FGGY: variants seen among roughly 807,000 people sequenced by gnomAD.
FGGY encodes the protein FGGY carbohydrate kinase domain-containing protein.
FGGY carries 72 observed loss-of-function variants against 71.3 expected under a neutral mutation model. That is an observed-to-expected ratio of 1.01 (90% CI 0.84 to 1.23). FGGY has a LOEUF of 1.23. FGGY is among the 50% of genes most tolerant of loss of function. The pLI is 0.00. For synonymous variants in FGGY, 251 were observed against 250.3 expected, an observed-to-expected ratio of 1.00 and a Z score of -0.02; for missense variants, 668 against 682.3, an observed-to-expected ratio of 0.98 and a Z score of 0.23.
chr1:59,678,489 T>C (rs577558208), intron 14 of FGGY, among the ~76,000 whole-genome samples: 2 of 152,308 alleles, frequency 1.3e-5, no homozygotes, highest in South Asian at 4.1e-4. Context: ...GCTTACACTT[T>C]CTAAGCACAG....
chr1:59,503,097 TC>T (rs2094278764), intron 6 of FGGY, among the ~76,000 whole-genome samples: 1 of 152,204 alleles, frequency 6.6e-6, no homozygotes. Context: ...CCTGACCATG[TC>T]CCATTACATA....
At chr1:59,376,932 G>A (rs1297934865) in intron 4 of FGGY, among the ~76,000 whole-genome samples, 1 of 152,172 alleles carries the variant, frequency 6.6e-6, no homozygotes, top group Non-Finnish European at 1.5e-5. Flanking sequence ...GCCACTTCAT[G>A]CTTTTCAAGT....
chr1:59,730,058 C>T (rs2098006039), intron 14 of FGGY, among the ~76,000 whole-genome samples: 1 of 152,154 alleles, frequency 6.6e-6, no homozygotes, highest in Admixed American at 6.5e-5. Context: ...GTGTGGGCCC[C>T]CTTCCACTAA....
At chr1:59,520,057 AC>A (rs1335874686) in intron 7 of FGGY, among the ~76,000 whole-genome samples, 3 of 152,136 alleles carry the variant, frequency 2.0e-5, no homozygotes, top group Non-Finnish European at 4.4e-5. Flanking sequence ...GCCCAGGCCA[AC>A]CCCCTGCAAC....
chr1:59,629,002 T>C (rs746685857), intron 10 of FGGY, among the ~76,000 whole-genome samples: 14 of 152,002 alleles, frequency 9.2e-5, no homozygotes, highest in Non-Finnish European at 1.6e-4. Flanking sequence ...TAATAGGTGT[T>C]CAACTAAAAA....
At chr1:59,378,286 G>A (rs767471455) in intron 4 of FGGY, among the ~76,000 whole-genome samples, 4 of 151,988 alleles carry the variant, frequency 2.6e-5, no homozygotes, top group Admixed American at 6.6e-5. Flanking sequence ...TGCTGTTCTC[G>A]TGGTAGTGAG....
chr1:59,384,210 T>G (rs1172976341), intron 5 of FGGY, among the ~76,000 whole-genome samples: 1 of 152,102 alleles, frequency 6.6e-6, no homozygotes, highest in African/African-American at 2.4e-5. Flanking sequence ...TTAGTATAAA[T>G]TAATCATCCC....
chr1:59,346,480 T>C, intron 4 of FGGY, 82 bp downstream of exon 4: 2 of 1,483,522 alleles, frequency 1.3e-6, no homozygotes, highest in Non-Finnish European at 1.8e-6. Context: ...CCAGGCACCC[T>C]GCTAAAATCG....
intron 14 of FGGY, among the ~76,000 whole-genome samples, chr1:59,703,052 C>T (rs2097723235): frequency 6.6e-6 from 1 of 152,170 alleles, no homozygotes; most frequent in South Asian, 2.1e-4. Context: ...TTTTCTTATA[C>T]TCCACGTAGG....
chr1:59,657,105 C>T (rs1001467879), intron 11 of FGGY, among the ~76,000 whole-genome samples: 1 of 152,188 alleles, frequency 6.6e-6, no homozygotes. Context: ...TTTCTTCTCT[C>T]TTATGGATTC....
At chr1:59,576,638 A>G (rs1352751964) in intron 8 of FGGY, among the ~76,000 whole-genome samples, 1 of 151,438 alleles carries the variant, frequency 6.6e-6, no homozygotes, top group Non-Finnish European at 1.5e-5. Context: ...AGTGAGAGTG[A>G]TATTTGCTAG....
At chr1:59,711,517 TAG>T (rs2097794110) in intron 14 of FGGY, among the ~76,000 whole-genome samples, 1 of 152,196 alleles carries the variant, frequency 6.6e-6, no homozygotes, top group Admixed American at 6.5e-5. Flanking sequence ...TCTTTCTGGA[TAG>T]AGCTCTGTGC....
At chr1:59,305,010 A>G (rs1033057402) in intron 1 of FGGY, among the ~76,000 whole-genome samples, 11 of 152,142 alleles carry the variant, frequency 7.2e-5, no homozygotes, top group Non-Finnish European at 1.0e-4. Context: ...CTGTAAACAG[A>G]CAATGTTATC....
chr1:59,705,532 C>T lies in FGGY; in HGVS notation c.1512+31399C>T, dbSNP rs141050246. 2.4e-3 allele frequency among the ~76,000 whole-genome samples: 372 copies of T among 152,252 alleles called. 2 individuals carry two copies. Among genetic ancestry groups the T allele is most frequent in the African/African-American group, 8.4e-3 (349 of 41,536 alleles). On this transcript the variant is annotated intron_variant, in intron 14 of 15. Transcript: ENST00000303721. ...TTAAAGACATTCTTAGTAATTTTAT[C>T]ATTAATTATGGGGAAATTCTAAAAC...
At chr1:59,302,788 G>A (rs1425515078) in intron 1 of FGGY, among the ~76,000 whole-genome samples, 1 of 152,008 alleles carries the variant, frequency 6.6e-6, no homozygotes, top group Admixed American at 6.6e-5. Flanking sequence ...TTTGTTGAAA[G>A]TTTAATTGAA....
chr1:59,542,434 T>C (rs2095455162), intron 7 of FGGY, among the ~76,000 whole-genome samples: 1 of 149,946 alleles, frequency 6.7e-6, no homozygotes, highest in Non-Finnish European at 1.5e-5. Context: ...AGACTATATG[T>C]ATGTTCTTTA....
chr1:59,447,489 G>T (rs928905172), intron 5 of FGGY, among the ~76,000 whole-genome samples: 3 of 152,008 alleles, frequency 2.0e-5, no homozygotes, highest in African/African-American at 7.2e-5. Flanking sequence ...ACCTTTTATC[G>T]CACCCTATCT....
intron 5 of FGGY, among the ~76,000 whole-genome samples, chr1:59,436,509 T>C (rs1176270008): frequency 6.6e-6 from 1 of 152,254 alleles, no homozygotes; most frequent in East Asian, 1.9e-4. Context: ...CATCTCATTC[T>C]TCTTCTGCCC....
chr1:59,331,255 C>T (rs2048414185), intron 2 of FGGY, among the ~76,000 whole-genome samples: 1 of 152,050 alleles, frequency 6.6e-6, no homozygotes, highest in African/African-American at 2.4e-5. Context: ...AGTATTTGGC[C>T]TTTATTTCAT....
Sources: allele counts gnomAD v4.1 joint callset (sites outside exome capture counted in the v4.1 genomes callset), GRCh38; gene constraint gnomAD v4.1.1; transcripts MANE v1.5; gene names NCBI Gene and HGNC (gene_info 2026-07-23, HGNC 2026-07-21).